SAMD13: variants seen among roughly 807,000 people sequenced by gnomAD.
SAMD13 encodes sterile alpha motif domain-containing protein 13.
A neutral mutation model predicts 12.4 loss-of-function variants in SAMD13; 9 were observed. The observed-to-expected ratio is 0.72, with a 90% CI of 0.44 to 1.26. The LOEUF (loss-of-function observed/expected upper bound fraction) is 1.26. Among genes scored for constraint, SAMD13 ranks in the 50% most tolerant of loss-of-function variants. The pLI is 0.00. For missense variants in SAMD13, 84 were observed against 119.6 expected (o/e 0.70, Z 1.39); for synonymous variants, 46 against 45.4 (o/e 1.01, Z -0.05).
chr1:84,312,206 A>T (rs965058474), intron 2 of SAMD13, among the ~76,000 whole-genome samples: 2 of 152,152 alleles, frequency 1.3e-5, no homozygotes, highest in Non-Finnish European at 2.9e-5. Context: ...TTATAAGCTC[A>T]GATTCTGTTT....
chr1:84,328,456 G>A (rs2101807147), intron 3 of SAMD13, among the ~76,000 whole-genome samples: 1 of 152,290 alleles, frequency 6.6e-6, no homozygotes, highest in South Asian at 2.1e-4. Context: ...ATGGAAGGGT[G>A]ATTGGGTCAG....
chr1:84,315,102 T>A (rs950563074), intron 2 of SAMD13, among the ~76,000 whole-genome samples: 1 of 151,142 alleles, frequency 6.6e-6, no homozygotes, highest in African/African-American at 2.4e-5. Context: ...GTAAGAACAT[T>A]TACTATGAGT....
intron 3 of SAMD13, chr1:84,344,662 G>A (rs186405): frequency 0.84 from 255,305 of 302,348 alleles, 109,645 homozygotes; most frequent in Non-Finnish European, 0.91. Context: ...GGTGGGGAAA[G>A]GCTGTTTAAA....
In SAMD13 at chr1:84,340,374, A is replaced by T. The variant is rs146484017; in HGVS notation, c.166-9257A>T. On this transcript the variant is annotated intron_variant, in intron 3 of 3. Transcript: ENST00000394834. ...TGAAATATCTAAAATAGGCAAATTC[A>T]TAGAGATACAACATAGATTAAAAGT... 3.5e-3 allele frequency among the ~76,000 whole-genome samples: 527 copies of T among 152,342 alleles called. 1 individual carries two copies. Among genetic ancestry groups the T allele is most frequent in the Middle Eastern group, 6.8e-3 (2 of 294 alleles).
chr1:84,306,297 A>G (rs983775966), intron 2 of SAMD13, among the ~76,000 whole-genome samples: 7 of 152,136 alleles, frequency 4.6e-5, no homozygotes, highest in Admixed American at 3.9e-4. Context: ...TACAAATACA[A>G]TTGATTTTTT....
At chr1:84,323,041 A>G (rs1036130842) in intron 2 of SAMD13, among the ~76,000 whole-genome samples, 2 of 152,190 alleles carry the variant, frequency 1.3e-5, no homozygotes, top group Non-Finnish European at 2.9e-5. Flanking sequence ...GACTAACTGA[A>G]GTCAACCACA....
intron 2 of SAMD13, among the ~76,000 whole-genome samples, chr1:84,318,895 A>G (rs1678887061): frequency 6.6e-6 from 1 of 152,182 alleles, no homozygotes; most frequent in African/African-American, 2.4e-5. Context: ...TTCCATTGCA[A>G]ATAACTGCCT....
intron 2 of SAMD13, among the ~76,000 whole-genome samples, chr1:84,305,878 A>C (rs1013215703): frequency 6.6e-6 from 1 of 151,558 alleles, no homozygotes; most frequent in Non-Finnish European, 1.5e-5. Flanking sequence ...CCAATATAAC[A>C]CTGTTTTGAT....
chr1:84,340,691 A>C, intron 3 of SAMD13, among the ~76,000 whole-genome samples: 1 of 152,236 alleles, frequency 6.6e-6, no homozygotes, highest in South Asian at 2.1e-4. Context: ...AATTAGCACC[A>C]AGCAAGACAG....
At chr1:84,300,161 T>A (rs1301513974), upstream of SAMD13, among the ~76,000 whole-genome samples, 1 of 152,186 alleles carries the variant, frequency 6.6e-6, no homozygotes, top group Non-Finnish European at 1.5e-5. Context: ...AAGGAATCTG[T>A]TAGTGAAAGA....
At chr1:84,306,649 AAAAAAAAAAAAAAAGAGAGAGAGAGAGAG>A (rs1678580010) in intron 2 of SAMD13, among the ~76,000 whole-genome samples, 1 of 141,230 alleles carries the variant, frequency 7.1e-6, no homozygotes, top group African/African-American at 2.7e-5. Flanking sequence ...AATACCAAAA[AAAAAAAAAAAAAAAGAGAGAGAGAGAGAG>A]AAATTAGCCA....
intron 3 of SAMD13, among the ~76,000 whole-genome samples, chr1:84,339,949 G>A (rs144156665): frequency 3.3e-5 from 5 of 151,394 alleles, no homozygotes; most frequent in South Asian, 2.1e-4. Flanking sequence ...AAAGAATACG[G>A]AGGAGCAAGG....
chr1:84,342,159 A>G (rs1353715170), intron 3 of SAMD13, among the ~76,000 whole-genome samples: 1 of 152,176 alleles, frequency 6.6e-6, no homozygotes, highest in East Asian at 1.9e-4. Context: ...GCTTAGTCAC[A>G]TGGCCACACT....
chr1:84,301,568 C>A, upstream of SAMD13: 1 of 979,312 alleles, frequency 1.0e-6, no homozygotes, highest in Non-Finnish European at 1.2e-6. Flanking sequence ...CAAAAGTGAA[C>A]AGGCACACTG....
chr1:84,325,053 G>A (rs761047271), intron 2 of SAMD13, among the ~76,000 whole-genome samples: 1 of 152,170 alleles, frequency 6.6e-6, no homozygotes, highest in Non-Finnish European at 1.5e-5. Flanking sequence ...AGTGTGGAAG[G>A]TGCTACAATG....
intron 3 of SAMD13, among the ~76,000 whole-genome samples, chr1:84,331,631 C>T (rs1012191747): frequency 2.6e-5 from 4 of 151,982 alleles, no homozygotes; most frequent in African/African-American, 9.7e-5. Flanking sequence ...CCTTTCAACC[C>T]ATGAAAATTT....
intron 3 of SAMD13, among the ~76,000 whole-genome samples, chr1:84,331,707 A>G (rs1195695557): frequency 1.3e-5 from 2 of 152,182 alleles, no homozygotes; most frequent in Admixed American, 6.6e-5. Flanking sequence ...AAGAAAATTG[A>G]AAACTGATAA....
In SAMD13 at chr1:84,338,452, T is replaced by TTTC. The variant is rs1553202177; in HGVS notation, c.166-11177_166-11176insCTT. Among the ~76,000 whole-genome samples the TTTC allele has an allele frequency of 1.1e-3, 168 of 146,488 alleles. 2 individuals are homozygous for TTTC. Among genetic ancestry groups the TTTC allele is most frequent in the African/African-American group, 4.1e-3 (159 of 38,656 alleles). On this transcript the variant is annotated intron_variant, in intron 3 of 3. Transcript: ENST00000394834. ...TCTCTCTTTTTTTTTTTTTTTTTTTTTTTAAGATGGAGTCTCACTCTGTCA... is the reference window on the plus strand; with the variant it reads ...TCTCTCTTTTTTTTTTTTTTTTTTTTTTCTTTAAGATGGAGTCTCACTCTGTCA...
At chr1:84,317,994 A>G (rs553204208) in intron 2 of SAMD13, among the ~76,000 whole-genome samples, 7 of 152,148 alleles carry the variant, frequency 4.6e-5, no homozygotes, top group African/African-American at 1.7e-4. Context: ...GGTAGTCTGT[A>G]TGACCTTTTT....
Sources: allele counts gnomAD v4.1 joint callset (sites outside exome capture counted in the v4.1 genomes callset), GRCh38; gene constraint gnomAD v4.1.1; transcripts MANE v1.5; gene names NCBI Gene and HGNC (gene_info 2026-07-23, HGNC 2026-07-21).